The following SCLT1 variants were observed in gnomAD, a reference collection of about 807,000 sequenced individuals.
SCLT1 encodes the protein sodium channel and clathrin linker 1.
Under a neutral mutation model 112.8 loss-of-function variants are expected in SCLT1, and 78 were observed. The ratio of observed to expected loss-of-function variants is 0.69; its 90% CI spans 0.58 to 0.83. SCLT1 has a LOEUF of 0.83. Ranked by LOEUF, SCLT1 falls within the 40% of genes least tolerant of loss-of-function variation. SCLT1 has a pLI of 0.00. For synonymous variants in SCLT1, 257 were observed against 254.7 expected, an observed-to-expected ratio of 1.01 and a Z score of -0.09; for missense variants, 747 against 770.4, an observed-to-expected ratio of 0.97 and a Z score of 0.36.
At chr4:128,895,693 G>T (rs1161827558) in intron 18 of SCLT1, among the ~76,000 whole-genome samples, 1 of 152,200 alleles carries the variant, frequency 6.6e-6, no homozygotes, top group Non-Finnish European at 1.5e-5. Flanking sequence ...GCGGGTGCAG[G>T]ACAGTGGGTG....
At chr4:129,036,956 A>T (rs905122366) in intron 5 of SCLT1, 2 of 151,994 alleles carry the variant, frequency 1.3e-5, no homozygotes, top group African/African-American at 2.4e-5. Context: ...GTCAACAAAA[A>T]ATGATGTATC....
intron 5 of SCLT1, among the ~76,000 whole-genome samples, chr4:129,019,491 A>G (rs1745264924): frequency 6.6e-6 from 1 of 152,198 alleles, no homozygotes; most frequent in African/African-American, 2.4e-5. Flanking sequence ...ATAGTTAGTG[A>G]ATTTTAGAAT....
At chr4:129,033,550 C>A (rs2126149396) in intron 5 of SCLT1, among the ~76,000 whole-genome samples, 1 of 119,186 alleles carries the variant, frequency 8.4e-6, no homozygotes, top group Non-Finnish European at 1.8e-5. Context: ...TAATAAGGTA[C>A]TATGAATAAA....
chr4:128,936,903 T>C (rs575586216), intron 17 of SCLT1, 52 bp from the exon 18 acceptor site: 58 of 793,900 alleles, frequency 7.3e-5, no homozygotes, highest in Non-Finnish European at 1.0e-4. Flanking sequence ...ATAGGTGCTA[T>C]ACAGATCAAT....
At chr4:128,912,904 T>C (rs1358191571) in intron 18 of SCLT1, among the ~76,000 whole-genome samples, 1 of 152,212 alleles carries the variant, frequency 6.6e-6, no homozygotes, top group Admixed American at 6.5e-5. Flanking sequence ...GATTCACATA[T>C]ACCACTGGTC....
At chr4:128,939,204 C>T (rs1449294295) in intron 17 of SCLT1, among the ~76,000 whole-genome samples, 2 of 152,122 alleles carry the variant, frequency 1.3e-5, no homozygotes, top group African/African-American at 4.8e-5. Context: ...TCTTTTATTT[C>T]CACTATAATG....
intron 4 of SCLT1, among the ~76,000 whole-genome samples, chr4:129,042,481 G>T (rs1185006671): frequency 2.0e-5 from 3 of 152,098 alleles, no homozygotes; most frequent in African/African-American, 7.2e-5. Flanking sequence ...CAGATAGAAT[G>T]AGGTAAGGAG....
intron 18 of SCLT1, among the ~76,000 whole-genome samples, chr4:128,926,410 G>A (rs1344920757): frequency 1.3e-5 from 2 of 152,052 alleles, no homozygotes; most frequent in Non-Finnish European, 2.9e-5. Context: ...TCCCAAAGAT[G>A]TTATCTTTAA....
chr4:128,911,143 G>A (rs1735064026), intron 18 of SCLT1, among the ~76,000 whole-genome samples: 1 of 152,188 alleles, frequency 6.6e-6, no homozygotes, highest in Admixed American at 6.6e-5. Flanking sequence ...GCAGGAGCCT[G>A]TAATCCCAGC....
At chr4:129,020,226 A>C (rs1365358363) in intron 5 of SCLT1, among the ~76,000 whole-genome samples, 2 of 151,966 alleles carry the variant, frequency 1.3e-5, no homozygotes, top group Non-Finnish European at 2.9e-5. Context: ...AATTTTACCC[A>C]CTCATTTAAG....
chr4:129,054,066 G>A (rs1178431963), intron 2 of SCLT1, among the ~76,000 whole-genome samples: 1 of 151,952 alleles, frequency 6.6e-6, no homozygotes, highest in Non-Finnish European at 1.5e-5. Flanking sequence ...TGAGATTGTT[G>A]GATATTGGCC....
chr4:129,078,276 C>T (rs1242531469), intron 2 of SCLT1, among the ~76,000 whole-genome samples: 1 of 152,150 alleles, frequency 6.6e-6, no homozygotes, highest in African/African-American at 2.4e-5. Flanking sequence ...ATCTGAAAGG[C>T]TAGAGTCACC....
chr4:129,088,305 A>G (rs1157184538), intron 1 of SCLT1, among the ~76,000 whole-genome samples: 1 of 152,240 alleles, frequency 6.6e-6, no homozygotes, highest in Non-Finnish European at 1.5e-5. Context: ...GCAGAACAGC[A>G]TTTTTAAAAA....
chr4:129,080,404 C>T (rs1454956879), intron 2 of SCLT1, among the ~76,000 whole-genome samples: 1 of 152,172 alleles, frequency 6.6e-6, no homozygotes, highest in African/African-American at 2.4e-5. Flanking sequence ...TGCTTTCTTG[C>T]TTGGAAAGTT....
chr4:129,043,033 A>T (rs1403005163), intron 4 of SCLT1, among the ~76,000 whole-genome samples: 1 of 151,978 alleles, frequency 6.6e-6, no homozygotes. Flanking sequence ...AGATCGCGCC[A>T]CTGCATTCCA....
chr4:128,922,926 T>C (rs36005120), intron 18 of SCLT1, among the ~76,000 whole-genome samples: 2,581 of 151,994 alleles, frequency 0.017, 42 homozygotes, highest in Non-Finnish European at 0.024. Context: ...AGATGAAAAA[T>C]AAAGAGGGTG....
At chr4:128,961,113 T>C (rs990868923) in intron 11 of SCLT1, among the ~76,000 whole-genome samples, 4 of 152,074 alleles carry the variant, frequency 2.6e-5, no homozygotes, top group Non-Finnish European at 4.4e-5. Flanking sequence ...TTTTCAACTT[T>C]TGCGATTTCA....
chr4:129,004,311 C>A (rs1295995663), intron 5 of SCLT1, among the ~76,000 whole-genome samples: 2 of 152,118 alleles, frequency 1.3e-5, no homozygotes, highest in African/African-American at 2.4e-5. Context: ...TTTCACCAAA[C>A]TCACTGGACT....
intron 2 of SCLT1, 55 bp downstream of exon 2, chr4:129,082,251 G>T: frequency 3.8e-6 from 3 of 790,234 alleles, no homozygotes; most frequent in South Asian, 2.1e-5. Context: ...GTTTCAAAGT[G>T]CTGTAGGCAA....
Sources: gnomAD v4.1 joint callset for allele counts (sites outside exome capture counted in the v4.1 genomes callset) on GRCh38, gnomAD v4.1.1 for gene constraint, MANE v1.5 for transcripts, NCBI Gene and HGNC (gene_info 2026-07-23, HGNC 2026-07-21) for gene names.